MYT1L: variants seen among roughly 807,000 people sequenced by gnomAD.
MYT1L encodes myelin transcription factor 1-like protein.
A neutral mutation model predicts 126.7 loss-of-function variants in MYT1L; 12 were observed. The observed-to-expected ratio is 0.09, with a 90% CI of 0.06 to 0.15. The LOEUF (loss-of-function observed/expected upper bound fraction) is 0.15. Among genes scored for constraint, MYT1L ranks in the 10% least tolerant of loss-of-function variants. The pLI is 1.00. For synonymous variants in MYT1L, 541 were observed against 604.2 expected (o/e 0.90, Z 1.53); for missense variants, 979 against 1,585.2 (o/e 0.62, Z 6.49).
At chr2:2,175,473 T>C (rs1335681568) in intron 2 of MYT1L, among the ~76,000 whole-genome samples, 1 of 151,982 alleles carries the variant, frequency 6.6e-6, no homozygotes, top group African/African-American at 2.4e-5. Flanking sequence ...AAAAGCTCCG[T>C]GTGAGATTGG....
chr2:2,314,217 A>G (rs2096024415), intron 1 of MYT1L, among the ~76,000 whole-genome samples: 1 of 152,186 alleles, frequency 6.6e-6, no homozygotes, highest in South Asian at 2.1e-4. Flanking sequence ...TAAAAAGCAA[A>G]CCATTAATAG....
intron 1 of MYT1L, among the ~76,000 whole-genome samples, chr2:2,309,667 A>T (rs1294571207): frequency 3.3e-5 from 5 of 151,748 alleles, no homozygotes; most frequent in Admixed American, 6.6e-5. Flanking sequence ...ACTTCAGTAC[A>T]TTCTACTTCA....
chr2:2,097,612 G>A (rs545143619), intron 3 of MYT1L, among the ~76,000 whole-genome samples: 23 of 152,260 alleles, frequency 1.5e-4, no homozygotes, highest in African/African-American at 5.5e-4. Flanking sequence ...CCAAATAAGC[G>A]ATGGAGATGC....
chr2:1,825,177 G>C (rs929105277), intron 21 of MYT1L: 16 of 152,248 alleles, frequency 1.1e-4, no homozygotes, highest in African/African-American at 3.9e-4. Flanking sequence ...ACACAGAGAG[G>C]CCTCAGGGCT....
At chr2:2,125,617 C>T (rs1166517962) in intron 3 of MYT1L, among the ~76,000 whole-genome samples, 1 of 151,778 alleles carries the variant, frequency 6.6e-6, no homozygotes, top group African/African-American at 2.4e-5. Context: ...AATACCCAAG[C>T]TCAATAAAAA....
At chr2:1,973,842 G>A (rs1347308622) in intron 8 of MYT1L, among the ~76,000 whole-genome samples, 2 of 152,184 alleles carry the variant, frequency 1.3e-5, no homozygotes, top group African/African-American at 4.8e-5. Flanking sequence ...CAGCTCCCCA[G>A]GCCTCCCACA....
At chr2:2,118,647 A>T (rs1222584872) in intron 3 of MYT1L, among the ~76,000 whole-genome samples, 1 of 152,240 alleles carries the variant, frequency 6.6e-6, no homozygotes, top group Non-Finnish European at 1.5e-5. Context: ...TCTGTTAAGG[A>T]TAGTGCCTTG....
chr2:2,283,127 G>A (rs774596951), intron 2 of MYT1L, among the ~76,000 whole-genome samples: 1 of 152,034 alleles, frequency 6.6e-6, no homozygotes, highest in Non-Finnish European at 1.5e-5. Context: ...GATGCATAAG[G>A]GAAAAAGGAG....
chr2:1,941,620 T>C (rs967439254), intron 9 of MYT1L, among the ~76,000 whole-genome samples: 4 of 152,156 alleles, frequency 2.6e-5, no homozygotes, highest in East Asian at 1.9e-4. Flanking sequence ...CATTCTACCA[T>C]AGCGAGACAA....
intron 3 of MYT1L, among the ~76,000 whole-genome samples, chr2:2,159,123 G>A (rs2087323771): frequency 6.6e-6 from 1 of 152,138 alleles, no homozygotes. Context: ...ACGGGGACAT[G>A]TGAAGAGCTC....
At chr2:2,004,988 AGG>A in intron 4 of MYT1L, among the ~76,000 whole-genome samples, 1 of 132,880 alleles carries the variant, frequency 7.5e-6, no homozygotes, top group Non-Finnish European at 1.6e-5. Context: ...TCTTTCCTGC[AGG>A]CGTTCTTTCC....
intron 2 of MYT1L, among the ~76,000 whole-genome samples, chr2:2,210,103 C>T (rs1390362609): frequency 1.3e-5 from 2 of 152,128 alleles, no homozygotes; most frequent in African/African-American, 4.8e-5. Flanking sequence ...TTTTGAGAGA[C>T]GTCCATTCAG....
At chr2:2,068,602 T>C (rs2074163783) in intron 3 of MYT1L, among the ~76,000 whole-genome samples, 1 of 152,136 alleles carries the variant, frequency 6.6e-6, no homozygotes, top group African/African-American at 2.4e-5. Flanking sequence ...TGCTAAACAA[T>C]TCACCTTAAG....
chr2:2,283,004 G>T (rs2095471004), intron 2 of MYT1L, among the ~76,000 whole-genome samples: 1 of 152,230 alleles, frequency 6.6e-6, no homozygotes. Context: ...GAACCCCGGA[G>T]GGAGAGGTTA....
chr2:1,953,822 T>A (rs748913846), intron 8 of MYT1L, among the ~76,000 whole-genome samples: 8 of 152,200 alleles, frequency 5.3e-5, no homozygotes, highest in South Asian at 2.1e-4. Context: ...CTCACCACCC[T>A]TGCCACTTGC....
chr2:2,327,085 C>A (rs777388790), intron 1 of MYT1L: 6 of 152,148 alleles, frequency 3.9e-5, no homozygotes, highest in African/African-American at 7.2e-5. Flanking sequence ...CAGAAAAAAT[C>A]ATGCAATAAA....
chr2:1,898,576 C>T (rs1046756274), intron 14 of MYT1L, among the ~76,000 whole-genome samples: 3 of 152,220 alleles, frequency 2.0e-5, no homozygotes, highest in Non-Finnish European at 4.4e-5. Flanking sequence ...AATCTGCAGA[C>T]CCGGCCTGTG....
At position 1,822,562 on chromosome 2, in the gene MYT1L, A is replaced by G. The variant is rs537462330; in HGVS notation, c.3081-13395T>C. ...GAGGGCTGGCCCTGGGACCACATGGATCTGAGGGTGGAGGCAGAAGTGTGG... is the reference window on the plus strand; with the variant it reads ...GAGGGCTGGCCCTGGGACCACATGGGTCTGAGGGTGGAGGCAGAAGTGTGG... On this transcript the variant is annotated intron_variant, in intron 21 of 24. Transcript: ENST00000647738. Among the ~76,000 whole-genome samples, 264 of 152,198 alleles carry G rather than the reference A, an allele frequency of 1.7e-3. 1 individual carries two copies. The highest frequency in any genetic ancestry group is 6.1e-3 in the African/African-American group (252 of 41,562).
intron 18 of MYT1L, among the ~76,000 whole-genome samples, chr2:1,854,410 C>T (rs2043652912): frequency 6.6e-6 from 1 of 152,098 alleles, no homozygotes; most frequent in Non-Finnish European, 1.5e-5. Context: ...ATAAGCACTA[C>T]TCAGGTGCAG....
Sources: allele counts gnomAD v4.1 joint callset (sites outside exome capture counted in the v4.1 genomes callset), GRCh38; gene constraint gnomAD v4.1.1; transcripts MANE v1.5; gene names NCBI Gene and HGNC (gene_info 2026-07-23, HGNC 2026-07-21).